The following DAB1 variants were observed in gnomAD, a reference collection of about 807,000 sequenced individuals.
DAB1 encodes the protein DAB adaptor protein 1, also known as disabled homolog 1.
In DAB1, 15 loss-of-function variants were observed where a neutral mutation model predicts 64.6. The ratio of observed to expected loss-of-function variants is 0.23; its 90% CI spans 0.16 to 0.36. The LOEUF (loss-of-function observed/expected upper bound fraction) is 0.36. Among genes scored for constraint, DAB1 ranks in the 10% least tolerant of loss-of-function variants. The pLI, the probability that DAB1 is intolerant of heterozygous loss-of-function variation, is 1.00. For synonymous variants in DAB1, 235 were observed against 251.9 expected, an observed-to-expected ratio of 0.93 and a Z score of 0.64; for missense variants, 596 against 706.7, an observed-to-expected ratio of 0.84 and a Z score of 1.78.
At chr1:58,052,860 G>A (rs569699368) in intron 5 of DAB1, among the ~76,000 whole-genome samples, 66 of 152,242 alleles carry the variant, frequency 4.3e-4, no homozygotes, top group Non-Finnish European at 6.8e-4. Context: ...GAATAGAAGC[G>A]ATTTACTAGG....
At chr1:58,111,401 T>A (rs1651957932) in intron 5 of DAB1, among the ~76,000 whole-genome samples, 1 of 152,228 alleles carries the variant, frequency 6.6e-6, no homozygotes. Context: ...AAAAGCCACA[T>A]TAAAGCTAAA....
chr1:58,213,793 C>A (rs1473931720), intron 4 of DAB1, among the ~76,000 whole-genome samples: 1 of 152,174 alleles, frequency 6.6e-6, no homozygotes, highest in Non-Finnish European at 1.5e-5. Context: ...ATTGGGACTT[C>A]AGTACCTGTA....
intron 4 of DAB1, among the ~76,000 whole-genome samples, chr1:58,291,800 G>A (rs1475952955): frequency 1.3e-5 from 2 of 152,074 alleles, no homozygotes; most frequent in South Asian, 4.1e-4. Context: ...TGCAAGACTC[G>A]AAGCCACAAA....
chr1:58,084,227 T>A (rs1250065011), intron 5 of DAB1, among the ~76,000 whole-genome samples: 3 of 152,164 alleles, frequency 2.0e-5, no homozygotes, highest in Non-Finnish European at 4.4e-5. Flanking sequence ...GAGATGTTTC[T>A]GAAACAAGGA....
chr1:58,046,740 G>A (rs542080074), intron 5 of DAB1, among the ~76,000 whole-genome samples: 8 of 152,308 alleles, frequency 5.3e-5, no homozygotes, highest in African/African-American at 1.9e-4. Flanking sequence ...TTTGTGTGGT[G>A]CAGTAAACAA....
chr1:57,464,393 C>T (rs1238624391), intron 7 of DAB1, among the ~76,000 whole-genome samples: 5 of 152,156 alleles, frequency 3.3e-5, no homozygotes, highest in Admixed American at 6.5e-5. Context: ...TTAAAAATCG[C>T]TTTCTCAAAA....
At chr1:58,430,950 A>G (rs186021478) in intron 3 of DAB1, among the ~76,000 whole-genome samples, 4 of 152,198 alleles carry the variant, frequency 2.6e-5, no homozygotes, top group African/African-American at 9.7e-5. Flanking sequence ...GTGAACGCAG[A>G]TGCCATTAGC....
intron 9 of DAB1, among the ~76,000 whole-genome samples, chr1:57,027,747 A>T (rs914645392): frequency 2.6e-5 from 4 of 152,182 alleles, no homozygotes; most frequent in African/African-American, 9.7e-5. Context: ...TGCTGAAAGG[A>T]GACAAGCTTG....
At chr1:57,971,596 C>G (rs1645797850) in intron 5 of DAB1, among the ~76,000 whole-genome samples, 1 of 152,202 alleles carries the variant, frequency 6.6e-6, no homozygotes, top group South Asian at 2.1e-4. Context: ...TATCCCATCT[C>G]TATCACAGGA....
At position 58,396,869 on chromosome 1, in the gene DAB1, T is replaced by A. The variant is rs1024268619; in HGVS notation, n.258-53466A>T. 2.6e-5 allele frequency among the ~76,000 whole-genome samples: 4 copies of A among 152,244 alleles called. No individual in the cohort carries two copies. The East Asian group carries it at 7.7e-4, about 29-fold the overall frequency. On this transcript the variant is annotated intron_variant and non_coding_transcript_variant, in intron 3 of 20. Coordinates refer to the DAB1 transcript ENST00000485760. ...TGAGGTCAAGAGATCAAGACCATCCTGGCTAACACGGTGAAACCCCGTCTC... is the reference window on the plus strand; with the variant it reads ...TGAGGTCAAGAGATCAAGACCATCCAGGCTAACACGGTGAAACCCCGTCTC...
chr1:57,140,471 T>G (rs1421547480), intron 3 of DAB1, among the ~76,000 whole-genome samples: 1 of 152,098 alleles, frequency 6.6e-6, no homozygotes, highest in East Asian at 1.9e-4. Flanking sequence ...ACTACAATCC[T>G]CTCTTCTTTA....
At chr1:58,040,468 C>T (rs1647118468) in intron 5 of DAB1, among the ~76,000 whole-genome samples, 1 of 152,198 alleles carries the variant, frequency 6.6e-6, no homozygotes, top group Non-Finnish European at 1.5e-5. Flanking sequence ...GGTGCTGACA[C>T]TTCTATTTTC....
chr1:58,479,096 AT>A lies in DAB1; in HGVS notation n.257+26963del, dbSNP rs1645447835. On this transcript the variant is annotated intron_variant and non_coding_transcript_variant, in intron 3 of 20. Coordinates refer to the DAB1 transcript ENST00000485760. ...TTTCTGACATGGTGTCAACTTATAT[AT>A]GTTTCTAGCAAGTATGAACAACACA... is the stretch of plus-strand genomic sequence containing the variant. 6.6e-5 allele frequency among the ~76,000 whole-genome samples: 10 copies of A among 152,350 alleles called. No individual in the cohort carries two copies. The South Asian group carries it at 1.9e-3, about 28-fold the overall frequency.
chr1:58,218,185 A>T (rs1388890163), intron 4 of DAB1, among the ~76,000 whole-genome samples: 1 of 152,040 alleles, frequency 6.6e-6, no homozygotes, highest in Non-Finnish European at 1.5e-5. Context: ...AAAGAAACAG[A>T]GATTTGGGCA....
chr1:58,415,099 G>A (rs1644706682), intron 3 of DAB1, among the ~76,000 whole-genome samples: 1 of 152,104 alleles, frequency 6.6e-6, no homozygotes, highest in Non-Finnish European at 1.5e-5. Context: ...CAGGAAGGTT[G>A]GGCCTTCATA....
At chr1:57,978,101 T>C (rs956214118) in intron 5 of DAB1, among the ~76,000 whole-genome samples, 2 of 152,164 alleles carry the variant, frequency 1.3e-5, no homozygotes, top group Admixed American at 6.6e-5. Flanking sequence ...AGAGCCTGCA[T>C]AGCCAAGAAA....
chr1:58,509,588 T>G (rs1241749320), intron 2 of DAB1, among the ~76,000 whole-genome samples: 1 of 116,666 alleles, frequency 8.6e-6, no homozygotes, highest in Admixed American at 8.7e-5. Flanking sequence ...ACCTGTAAGA[T>G]CTACCAAAAA....
intron 7 of DAB1, among the ~76,000 whole-genome samples, chr1:57,607,340 G>A (rs549012855): frequency 5.9e-5 from 9 of 152,030 alleles, no homozygotes; most frequent in Non-Finnish European, 7.4e-5. Context: ...TCTGTATGAC[G>A]CCTTCATCTT....
At chr1:57,316,819 G>A (rs145764924) in intron 1 of DAB1, among the ~76,000 whole-genome samples, 7 of 152,226 alleles carry the variant, frequency 4.6e-5, no homozygotes, top group Admixed American at 3.9e-4. Flanking sequence ...TTCAGATTCT[G>A]AGGTAACAGG....
Sources: allele counts gnomAD v4.1 joint callset (sites outside exome capture counted in the v4.1 genomes callset), GRCh38; gene constraint gnomAD v4.1.1; transcripts MANE v1.5; gene names NCBI Gene and HGNC (gene_info 2026-07-23, HGNC 2026-07-21).